Variants in IGF1R observed in about 807,000 individuals in gnomAD.
The protein encoded by IGF1R is insulin-like growth factor 1 receptor.
In IGF1R, 44 loss-of-function variants were observed where a neutral mutation model predicts 144.6. The observed-to-expected ratio is 0.30, with a 90% confidence interval of 0.24 to 0.39. The LOEUF (loss-of-function observed/expected upper bound fraction) is 0.39, where lower values mean the gene tolerates loss of function less well. Among genes scored for constraint, IGF1R ranks in the 10% least tolerant of loss-of-function variants. IGF1R has a pLI of 1.00. For missense variants in IGF1R, 1,355 were observed against 1,833.7 expected, an observed-to-expected ratio of 0.74 and a Z score of 4.77; for synonymous variants, 795 against 722.8, an observed-to-expected ratio of 1.10 and a Z score of -1.60.
intron 2 of IGF1R, among the ~76,000 whole-genome samples, chr15:98,739,130 C>T (rs1192251763): frequency 6.6e-6 from 1 of 152,146 alleles, no homozygotes; most frequent in Admixed American, 6.6e-5. Context: ...TGTGCAGGAG[C>T]TGGGCTTTTC....
chr15:98,797,990 G>A (rs2056286061), intron 2 of IGF1R, among the ~76,000 whole-genome samples: 1 of 152,254 alleles, frequency 6.6e-6, no homozygotes, highest in Admixed American at 6.5e-5. Context: ...GACGTGGAGA[G>A]GAACATGAGG....
intron 2 of IGF1R, among the ~76,000 whole-genome samples, chr15:98,849,185 A>G (rs1303513971): frequency 2.6e-5 from 4 of 152,218 alleles, no homozygotes; most frequent in Non-Finnish European, 5.9e-5. Context: ...ATACCAATAG[A>G]TGAAGAGACA....
intron 1 of IGF1R, 113 bp downstream of exon 1, chr15:98,649,788 G>T: frequency 1.3e-6 from 1 of 765,080 alleles, no homozygotes; most frequent in East Asian, 2.8e-5. Flanking sequence ...CCCCGGGCTC[G>T]GGAGCGGCGG....
chr15:98,752,615 G>A (rs1188780784), intron 2 of IGF1R, among the ~76,000 whole-genome samples: 4 of 152,070 alleles, frequency 2.6e-5, no homozygotes, highest in East Asian at 2.0e-4. Flanking sequence ...CCCGGGAGGC[G>A]GAGCTTGCAG....
At chr15:98,699,294 G>A (rs538439309) in intron 1 of IGF1R, among the ~76,000 whole-genome samples, 3 of 152,294 alleles carry the variant, frequency 2.0e-5, no homozygotes, top group Non-Finnish European at 2.9e-5. Flanking sequence ...GCTGCCCCTC[G>A]GAAGGCCTCA....
intron 2 of IGF1R, among the ~76,000 whole-genome samples, chr15:98,851,378 A>G (rs2011521345): frequency 6.6e-6 from 1 of 152,202 alleles, no homozygotes; most frequent in Admixed American, 6.5e-5. Context: ...CAGCTTGGAC[A>G]GTCTGGCTGT....
chr15:98,860,867 TTA>T (rs1447464422), intron 2 of IGF1R, among the ~76,000 whole-genome samples: 4 of 152,158 alleles, frequency 2.6e-5, no homozygotes, highest in African/African-American at 9.7e-5. Flanking sequence ...CTTGTTAGAG[TTA>T]TGTGTTAAGA....
chr15:98,952,827 T>C (rs2016831397), intron 20 of IGF1R: 1 of 152,200 alleles, frequency 6.6e-6, no homozygotes. Context: ...TCAGGAGGCA[T>C]TTCTGCTTTG....
intron 2 of IGF1R, among the ~76,000 whole-genome samples, chr15:98,859,558 C>T (rs1231279984): frequency 1.3e-5 from 2 of 152,146 alleles, no homozygotes; most frequent in East Asian, 3.8e-4. Context: ...TGCAAGGTTT[C>T]TGAAACAAAA....
chr15:98,844,025 A>G (rs2011227028), intron 2 of IGF1R, among the ~76,000 whole-genome samples: 1 of 152,234 alleles, frequency 6.6e-6, no homozygotes. Flanking sequence ...TCAAAAATCA[A>G]TTTATGGCTA....
At chr15:98,951,143 A>G (rs982584861) in intron 20 of IGF1R, among the ~76,000 whole-genome samples, 6 of 152,240 alleles carry the variant, frequency 3.9e-5, no homozygotes, top group African/African-American at 1.4e-4. Flanking sequence ...TACCAGGGAA[A>G]GCCAGAGTGA....
rs138486567 is a variant in IGF1R, at chr15:98,682,300, G to A, written c.95-25262G>A. Among the ~76,000 whole-genome samples the A allele has an allele frequency of 3.4e-3, 524 of 152,266 alleles. 3 individuals carry two copies. The highest frequency in any genetic ancestry group is 0.012 in the African/African-American group (507 of 41,554). On this transcript the variant is annotated intron_variant, in intron 1 of 20. Transcript: ENST00000650285. ...GGAGAAAGATGACTGTCCCTCTCAT[G>A]TTTGCTGAGGGTGTTCCTGTAAGGT...
chr15:98,750,070 T>C (rs761392760), intron 2 of IGF1R, among the ~76,000 whole-genome samples: 3 of 152,186 alleles, frequency 2.0e-5, no homozygotes, highest in Non-Finnish European at 4.4e-5. Flanking sequence ...AGCAATACCA[T>C]TTTGATTCCA....
chr15:98,913,161 T>C lies in IGF1R; in HGVS notation c.1707T>C (p.His569=). ...ACGTGGAGCCCGGCATCTTACTACA[T>C]GGGCTGAAGCCCTGGACTCAGTACG... ...NKDVEPGILL[H]GLKPWTQYAV... Residue 569 remains histidine (H), a synonymous_variant, in exon 8 of 21, where the codon CAT becomes CAC. Transcript: ENST00000650285. The C allele has an allele frequency of 6.2e-7, 1 of 1,614,208 alleles. No individual in the cohort carries two copies. Among genetic ancestry groups the C allele is most frequent in the Non-Finnish European group, 8.5e-7 (1 of 1,180,024 alleles).
At chr15:98,881,491 T>G (rs2013376128) in intron 2 of IGF1R, among the ~76,000 whole-genome samples, 1 of 152,140 alleles carries the variant, frequency 6.6e-6, no homozygotes, top group East Asian at 1.9e-4. Context: ...CCTAGCTAAT[T>G]TTTGTATTTT....
At chr15:98,903,407 A>G (rs1267923328) in intron 5 of IGF1R, among the ~76,000 whole-genome samples, 1 of 152,228 alleles carries the variant, frequency 6.6e-6, no homozygotes, top group Non-Finnish European at 1.5e-5. Flanking sequence ...TCGACTGTGC[A>G]ACACGCAGTG....
intron 2 of IGF1R, among the ~76,000 whole-genome samples, chr15:98,851,284 G>A (rs2011517420): frequency 6.6e-6 from 1 of 152,192 alleles, no homozygotes; most frequent in Non-Finnish European, 1.5e-5. Context: ...GGAGGAGAGG[G>A]CTGGCCAAGG....
Position 98,962,727 on chromosome 15 carries a change from G to C in IGF1R, c.*5285G>C, listed in dbSNP as rs2017273921. ...TTGGAAGGAATGTGGGCAAGGTTTT[G>C]AACTTGATTGTTCTTGAAGCTATCA... On this transcript the variant is annotated 3_prime_UTR_variant, in exon 21 of 21. Transcript: ENST00000650285. The C allele has an allele frequency of 4.3e-6, 1 of 233,592 alleles. No homozygotes were observed. Among genetic ancestry groups the C allele is most frequent in the Non-Finnish European group, 8.5e-6 (1 of 118,096 alleles). 14.5% of individuals were successfully genotyped at this position (233,592 alleles called of 1,614,324 possible). A position where few individuals can be genotyped will look rare whatever the true frequency, so the allele number is the denominator to read the frequency against.
intron 11 of IGF1R, chr15:98,923,638 A>G (rs1450650976): frequency 1.9e-6 from 1 of 522,924 alleles, no homozygotes; most frequent in Non-Finnish European, 3.5e-6. Flanking sequence ...GAGACGTGCA[A>G]GTTTTGTGGT....
Sources: allele counts gnomAD v4.1 joint callset (sites outside exome capture counted in the v4.1 genomes callset), GRCh38; gene constraint gnomAD v4.1.1; transcripts MANE v1.5; gene names NCBI Gene and HGNC (gene_info 2026-07-23, HGNC 2026-07-21).